The following BLTP3B variants were observed in gnomAD, a reference collection of about 807,000 sequenced individuals.
The protein encoded by BLTP3B is bridge-like lipid transfer protein family member 3B, also known as UHRF1 (ICBP90) binding protein 1-like.
the BLTP3B span, among the ~76,000 whole-genome samples, chr12:100,060,281 A>G: frequency 1.3e-5 from 2 of 152,210 alleles, no homozygotes; most frequent in Non-Finnish European, 2.9e-5. Context: ...TCTATAACAT[A>G]TAAATATATA....
At chr12:100,069,984 A>G in the BLTP3B span, 1 of 1,213,518 alleles carries the variant, frequency 8.2e-7, no homozygotes, top group Non-Finnish European at 1.0e-6. Flanking sequence ...TTATGCAATA[A>G]CAGACAATGG....
chr12:100,095,861 T>C, the BLTP3B span: 36 of 1,549,696 alleles, frequency 2.3e-5, no homozygotes, highest in Middle Eastern at 1.7e-4. Flanking sequence ...AAATGTTTTA[T>C]AAAATTAAGC....
At chr12:100,077,731 T>C in the BLTP3B span, among the ~76,000 whole-genome samples, 3 of 152,206 alleles carry the variant, frequency 2.0e-5, no homozygotes, top group African/African-American at 7.2e-5. Flanking sequence ...CCAGAACAAT[T>C]TATAAATGAT....
the BLTP3B span, among the ~76,000 whole-genome samples, chr12:100,046,922 A>G: frequency 2.0e-5 from 3 of 152,298 alleles, no homozygotes; most frequent in Middle Eastern, 3.4e-3. Flanking sequence ...AAGCTAAGAA[A>G]GAGATCAACT....
the BLTP3B span, among the ~76,000 whole-genome samples, chr12:100,065,585 C>T: frequency 2.6e-5 from 4 of 152,138 alleles, no homozygotes; most frequent in East Asian, 7.7e-4. Context: ...TGAAATATGC[C>T]CTGGTCTCCT....
chr12:100,082,402 T>G, the BLTP3B span, among the ~76,000 whole-genome samples: 1 of 152,240 alleles, frequency 6.6e-6, no homozygotes, highest in Non-Finnish European at 1.5e-5. Context: ...TAATGAGGTT[T>G]CACTTGCCTA....
At chr12:100,088,280 C>G in the BLTP3B span, among the ~76,000 whole-genome samples, 4 of 152,138 alleles carry the variant, frequency 2.6e-5, no homozygotes, top group Non-Finnish European at 5.9e-5. Flanking sequence ...CTGAACTCAA[C>G]CCCAACACTT....
chr12:100,089,817 C>T, the BLTP3B span, among the ~76,000 whole-genome samples: 1 of 152,184 alleles, frequency 6.6e-6, no homozygotes, highest in East Asian at 1.9e-4. Context: ...ACCCAAATCT[C>T]ATCTTGAATG....
the BLTP3B span, chr12:100,059,279 G>T: frequency 1.9e-6 from 3 of 1,613,858 alleles, no homozygotes; most frequent in Non-Finnish European, 2.5e-6. Context: ...CATGCATTTT[G>T]GTATCTTGTT....
At chr12:100,128,970 A>G in the BLTP3B span, among the ~76,000 whole-genome samples, 1 of 152,140 alleles carries the variant, frequency 6.6e-6, no homozygotes, top group Non-Finnish European at 1.5e-5. Context: ...TTATCTTTTT[A>G]ATTTTATATT....
the BLTP3B span, among the ~76,000 whole-genome samples, chr12:100,043,438 C>A: frequency 6.6e-6 from 1 of 152,196 alleles, no homozygotes; most frequent in Admixed American, 6.5e-5. Context: ...TTCCAATTAT[C>A]TTTTGCCAAG....
chr12:100,104,884 C>CAAAAAAAAAAAAAAAAAAAAAA, the BLTP3B span, among the ~76,000 whole-genome samples: 2 of 66,000 alleles, frequency 3.0e-5, 1 homozygote, highest in African/African-American at 1.1e-4. Context: ...ACTGCTACTA[C>CAAAAAAAAAAAAAAAAAAAAAA]AAAAAAAAAA....
chr12:100,124,974 A>ATATATATATT, the BLTP3B span, among the ~76,000 whole-genome samples: 93 of 100,292 alleles, frequency 9.3e-4, no homozygotes, highest in African/African-American at 4.4e-3. Context: ...ATATATATAT[A>ATATATATATT]TATATTTATA....
chr12:100,080,633 C>A, the BLTP3B span, among the ~76,000 whole-genome samples: 2 of 152,220 alleles, frequency 1.3e-5, no homozygotes, highest in Non-Finnish European at 2.9e-5. Context: ...TGTACCCCCA[C>A]TGTATCTAGG....
At chr12:100,049,449 G>A in the BLTP3B span, among the ~76,000 whole-genome samples, 1 of 152,120 alleles carries the variant, frequency 6.6e-6, no homozygotes, top group Admixed American at 6.6e-5. Flanking sequence ...ATGCATGTGT[G>A]TGAAAGGGAG....
chr12:100,140,448 G>A, the BLTP3B span, among the ~76,000 whole-genome samples: 1 of 151,676 alleles, frequency 6.6e-6, no homozygotes, highest in Non-Finnish European at 1.5e-5. Context: ...GCTCACACCT[G>A]TAATCCCAGC....
chr12:100,052,819 A>G, the BLTP3B span, among the ~76,000 whole-genome samples: 1 of 138,702 alleles, frequency 7.2e-6, no homozygotes, highest in African/African-American at 2.8e-5. Context: ...TTTAAGACAG[A>G]GTCTCGCTCT....
At chr12:100,061,439 C>T in the BLTP3B span, among the ~76,000 whole-genome samples, 1 of 152,060 alleles carries the variant, frequency 6.6e-6, no homozygotes, top group Non-Finnish European at 1.5e-5. Flanking sequence ...GGGTGGATCA[C>T]GAGGTCAGGA....
At chr12:100,054,529 GT>G in the BLTP3B span, among the ~76,000 whole-genome samples, 8 of 151,988 alleles carry the variant, frequency 5.3e-5, no homozygotes, top group Non-Finnish European at 1.0e-4. Context: ...GAAGAACATT[GT>G]TTTTGAAATA....
Sources: allele counts gnomAD v4.1 joint callset (sites outside exome capture counted in the v4.1 genomes callset), GRCh38; gene constraint gnomAD v4.1.1; transcripts MANE v1.5; gene names NCBI Gene and HGNC (gene_info 2026-07-23, HGNC 2026-07-21).